NOL10: variants seen among roughly 807,000 people sequenced by gnomAD.
NOL10 encodes the protein nucleolar protein 10, also known as H_NH0074G24.1.
A neutral mutation model predicts 103.5 loss-of-function variants in NOL10; 58 were observed. That is an observed-to-expected ratio of 0.56 (90% CI 0.45 to 0.70). The LOEUF is 0.70. Ranked by LOEUF, NOL10 falls within the 30% of genes least tolerant of loss-of-function variation. The pLI is 0.00. For missense variants in NOL10, 763 were observed against 807.3 expected, an observed-to-expected ratio of 0.95 and a Z score of 0.67; for synonymous variants, 287 against 282.5, an observed-to-expected ratio of 1.02 and a Z score of -0.16.
intron 13 of NOL10, among the ~76,000 whole-genome samples, chr2:10,609,431 CAAAAAAAAAA>C (rs60104799): frequency 2.7e-5 from 3 of 111,588 alleles, no homozygotes; most frequent in African/African-American, 1.1e-4. Flanking sequence ...ACTAAAAATA[CAAAAAAAAAA>C]AAAAAAAAAA....
chr2:10,625,717 C>T (rs1273026590), intron 13 of NOL10, among the ~76,000 whole-genome samples: 4 of 152,062 alleles, frequency 2.6e-5, no homozygotes, highest in Admixed American at 2.6e-4. Flanking sequence ...ACCTCCACCC[C>T]ACCCCCACAA....
At chr2:10,637,632 T>A (rs7594805) in intron 13 of NOL10, among the ~76,000 whole-genome samples, 1 of 152,162 alleles carries the variant, frequency 6.6e-6, no homozygotes, top group African/African-American at 2.4e-5. Context: ...TTCCAAAAAA[T>A]GTGGCTTCCA....
At chr2:10,587,216 T>TATATAC (rs1675135363) in intron 19 of NOL10, among the ~76,000 whole-genome samples, 1 of 33,272 alleles carries the variant, frequency 3.0e-5, no homozygotes, top group Non-Finnish European at 4.8e-5. Context: ...CATATATATA[T>TATATAC]ACATATATAT....
chr2:10,579,099 G>A (rs932460537), intron 19 of NOL10, among the ~76,000 whole-genome samples: 3 of 152,152 alleles, frequency 2.0e-5, no homozygotes, highest in African/African-American at 4.8e-5. Context: ...TTGAAATTCT[G>A]AAGCTAATGT....
intron 13 of NOL10, among the ~76,000 whole-genome samples, chr2:10,635,225 G>A (rs1678121425): frequency 6.6e-6 from 1 of 152,132 alleles, no homozygotes; most frequent in Non-Finnish European, 1.5e-5. Context: ...CTCATGTTTG[G>A]ATTTTCCACT....
chr2:10,664,447 T>C (rs1680446516), intron 8 of NOL10, among the ~76,000 whole-genome samples: 1 of 152,088 alleles, frequency 6.6e-6, no homozygotes, highest in African/African-American at 2.4e-5. Context: ...AGTACGTCCA[T>C]TTAAACTGAG....
intron 12 of NOL10, among the ~76,000 whole-genome samples, chr2:10,649,909 A>ATTT: frequency 6.6e-6 from 1 of 152,164 alleles, no homozygotes; most frequent in Non-Finnish European, 1.5e-5. Flanking sequence ...CATGTCATAA[A>ATTT]ATATTACTCT....
intron 14 of NOL10, among the ~76,000 whole-genome samples, chr2:10,605,364 G>A (rs1228198960): frequency 1.3e-5 from 2 of 152,054 alleles, no homozygotes; most frequent in Admixed American, 1.3e-4. Context: ...AATAATCTTA[G>A]GAAGTAAGGG....
At chr2:10,604,403 AAAAAG>A (rs1195164153) in intron 14 of NOL10, among the ~76,000 whole-genome samples, 58 of 152,244 alleles carry the variant, frequency 3.8e-4, no homozygotes, top group African/African-American at 1.4e-3. Context: ...GAACAATATA[AAAAAG>A]AAAATTAAAT....
At chr2:10,600,200 C>T (rs1675899215) in intron 17 of NOL10, among the ~76,000 whole-genome samples, 1 of 152,134 alleles carries the variant, frequency 6.6e-6, no homozygotes, top group African/African-American at 2.4e-5. Flanking sequence ...ACCCAGGTAC[C>T]TTCATACATC....
intron 9 of NOL10, among the ~76,000 whole-genome samples, chr2:10,661,774 T>TATG (rs1045425145): frequency 2.6e-5 from 4 of 152,172 alleles, no homozygotes; most frequent in Middle Eastern, 3.4e-3. Context: ...ATCCAACACT[T>TATG]ACACTTACTG....
chr2:10,596,973 A>AT (rs927317265), intron 17 of NOL10, among the ~76,000 whole-genome samples: 135 of 148,766 alleles, frequency 9.1e-4, no homozygotes, highest in Middle Eastern at 3.5e-3. Context: ...ACATTCATTC[A>AT]TTTTTTTTTT....
intron 13 of NOL10, among the ~76,000 whole-genome samples, chr2:10,643,072 A>G (rs1215174498): frequency 6.6e-6 from 1 of 152,258 alleles, no homozygotes; most frequent in Non-Finnish European, 1.5e-5. Flanking sequence ...TGACAGGAAT[A>G]TGAATGCAGT....
chr2:10,675,688 T>TA (rs1681260225), intron 4 of NOL10, 106 bp downstream of exon 4: 5 of 638,844 alleles, frequency 7.8e-6, no homozygotes, highest in Non-Finnish European at 1.4e-5. Flanking sequence ...AGTAATTTGT[T>TA]ATACAGCAAT....
At chr2:10,605,764 A>C (rs1422598059) in intron 14 of NOL10, among the ~76,000 whole-genome samples, 1 of 152,216 alleles carries the variant, frequency 6.6e-6, no homozygotes, top group Non-Finnish European at 1.5e-5. Flanking sequence ...GACACTTAAG[A>C]AGGCACTGCA....
intron 19 of NOL10, among the ~76,000 whole-genome samples, chr2:10,581,103 T>C (rs1057491087): frequency 6.6e-6 from 1 of 152,236 alleles, no homozygotes; most frequent in Non-Finnish European, 1.5e-5. Flanking sequence ...TCAAAGGCCC[T>C]ATTTCAAGAG....
chr2:10,633,551 G>A (rs1260489649), intron 13 of NOL10, among the ~76,000 whole-genome samples: 1 of 151,754 alleles, frequency 6.6e-6, no homozygotes, highest in Admixed American at 6.6e-5. Flanking sequence ...CCCCATTTAT[G>A]GTGGCAGTGG....
chr2:10,663,074 A>C, intron 8 of NOL10, 30 bp from the exon 9 acceptor site: 3 of 1,583,582 alleles, frequency 1.9e-6, no homozygotes, highest in Non-Finnish European at 1.7e-6. Context: ...TTTTAAATAA[A>C]AGCTGTAGAA....
chr2:10,640,331 A>G (rs1330010400), intron 13 of NOL10, among the ~76,000 whole-genome samples: 2 of 152,234 alleles, frequency 1.3e-5, no homozygotes, highest in Non-Finnish European at 2.9e-5. Flanking sequence ...TTTCCAAGTA[A>G]AGACAAGTGG....
Sources: gnomAD v4.1 joint callset for allele counts (sites outside exome capture counted in the v4.1 genomes callset) on GRCh38, gnomAD v4.1.1 for gene constraint, MANE v1.5 for transcripts, NCBI Gene and HGNC (gene_info 2026-07-23, HGNC 2026-07-21) for gene names.